LRRC7: variants seen among roughly 807,000 people sequenced by gnomAD.
The protein encoded by LRRC7 is leucine rich repeat containing 7.
In LRRC7, 23 loss-of-function variants were observed where a neutral mutation model predicts 175.7. The ratio of observed to expected loss-of-function variants is 0.13; its 90% CI spans 0.09 to 0.19. The LOEUF (loss-of-function observed/expected upper bound fraction) is 0.19, where lower values mean the gene tolerates loss of function less well. LRRC7 is among the 10% of genes least tolerant of loss of function. The pLI is 1.00. For missense variants in LRRC7, 1,354 were observed against 1,904.7 expected (o/e 0.71, Z 5.38); for synonymous variants, 685 against 680.9 (o/e 1.01, Z -0.09).
intron 2 of LRRC7, chr1:69,716,226 C>A: frequency 2.1e-6 from 1 of 477,288 alleles, no homozygotes; most frequent in Non-Finnish European, 3.8e-6. Flanking sequence ...CAAGTAGATA[C>A]TATATTATTT....
chr1:69,907,114 T>C (rs1646342700), intron 7 of LRRC7, among the ~76,000 whole-genome samples: 1 of 152,178 alleles, frequency 6.6e-6, no homozygotes, highest in East Asian at 1.9e-4. Context: ...TGATTTTATA[T>C]CCTGAGACTT....
chr1:69,702,299 A>T (rs1343703023), intron 2 of LRRC7, among the ~76,000 whole-genome samples: 1 of 152,192 alleles, frequency 6.6e-6, no homozygotes, highest in East Asian at 1.9e-4. Context: ...ACACATCATC[A>T]AGTGCATCAG....
At chr1:69,815,132 T>G (rs1412049109) in intron 4 of LRRC7, among the ~76,000 whole-genome samples, 1 of 152,182 alleles carries the variant, frequency 6.6e-6, no homozygotes, top group African/African-American at 2.4e-5. Flanking sequence ...CTGTGAGCCT[T>G]TGCCTTGTGA....
At chr1:69,644,854 A>G (rs1277631994) in intron 1 of LRRC7, among the ~76,000 whole-genome samples, 1 of 152,032 alleles carries the variant, frequency 6.6e-6, no homozygotes, top group Admixed American at 6.6e-5. Flanking sequence ...CACCATATTA[A>G]CAGGATAAAG....
At chr1:69,991,061 AG>A (rs1325262314) in intron 10 of LRRC7, among the ~76,000 whole-genome samples, 6 of 151,818 alleles carry the variant, frequency 4.0e-5, no homozygotes, top group Non-Finnish European at 5.9e-5. Context: ...AAGCTGAGGC[AG>A]TAGGATTGCT....
chr1:69,644,803 C>A (rs984296525), intron 1 of LRRC7, among the ~76,000 whole-genome samples: 1 of 151,910 alleles, frequency 6.6e-6, no homozygotes, highest in African/African-American at 2.4e-5. Flanking sequence ...ACAGATTAGG[C>A]TTATCTGAGG....
chr1:69,786,324 T>TTC (rs907299430), intron 3 of LRRC7, among the ~76,000 whole-genome samples: 8 of 151,844 alleles, frequency 5.3e-5, no homozygotes, highest in African/African-American at 1.5e-4. Flanking sequence ...AGACTTTTTT[T>TTC]TCTCTCTCTC....
At chr1:69,921,662 G>C (rs563768474) in intron 7 of LRRC7, among the ~76,000 whole-genome samples, 2 of 152,226 alleles carry the variant, frequency 1.3e-5, no homozygotes, top group South Asian at 4.1e-4. Context: ...TTTCAAAACA[G>C]TCTGTTATCT....
At chr1:69,686,665 A>G (rs1463281032) in intron 2 of LRRC7, among the ~76,000 whole-genome samples, 1 of 152,140 alleles carries the variant, frequency 6.6e-6, no homozygotes, top group African/African-American at 2.4e-5. Context: ...GAGGATGTGA[A>G]GGAAAAAGAA....
chr1:70,023,417 GC>G, intron 17 of LRRC7, 43 bp downstream of exon 17: 1 of 1,502,174 alleles, frequency 6.7e-7, no homozygotes, highest in Non-Finnish European at 9.0e-7. Context: ...CCATGTAGAG[GC>G]AACCTTGGAA....
intron 3 of LRRC7, among the ~76,000 whole-genome samples, chr1:69,774,092 C>A (rs141738199): frequency 6.6e-6 from 1 of 152,156 alleles, no homozygotes; most frequent in African/African-American, 2.4e-5. Context: ...TACAGGATAT[C>A]TGTGGAAGCA....
intron 7 of LRRC7, among the ~76,000 whole-genome samples, chr1:69,868,833 G>T (rs1685203329): frequency 6.6e-6 from 1 of 151,770 alleles, no homozygotes; most frequent in East Asian, 1.9e-4. Flanking sequence ...CTTGGCTTGT[G>T]AATGGCCATC....
At chr1:69,832,467 A>G (rs750287854) in intron 5 of LRRC7, among the ~76,000 whole-genome samples, 5 of 152,198 alleles carry the variant, frequency 3.3e-5, no homozygotes, top group Non-Finnish European at 7.3e-5. Context: ...CAGTAGAAAA[A>G]TAGGTAAAAT....
intron 9 of LRRC7, among the ~76,000 whole-genome samples, chr1:69,983,748 C>T (rs910314095): frequency 6.6e-6 from 1 of 152,204 alleles, no homozygotes; most frequent in Non-Finnish European, 1.5e-5. Flanking sequence ...TCTACCCAAT[C>T]CTGCTCCCTT....
chr1:69,717,831 A>AGG (rs1665660622), intron 2 of LRRC7, among the ~76,000 whole-genome samples: 1 of 55,358 alleles, frequency 1.8e-5, no homozygotes, highest in African/African-American at 9.2e-5. Flanking sequence ...AGAAAGAAAG[A>AGG]AAGAAAGAAA....
rs1227275735 is a variant in LRRC7, at chr1:70,135,251, C to T, written c.*13364C>T. Among the ~76,000 whole-genome samples the T allele has an allele frequency of 6.6e-6, 1 of 152,154 alleles. No individual in the cohort carries two copies. The highest frequency in any genetic ancestry group is 1.5e-5 in the Non-Finnish European group (1 of 68,028). On this transcript the variant is annotated 3_prime_UTR_variant, in exon 27 of 27. Coordinates refer to ENST00000651989, the MANE Select transcript of LRRC7 (RefSeq NM_001370785.2). ...CTCTAGGTCAGTGCTTGCTATCCAG[C>T]CACTAGCATAGTTCCCCAGGAGCAG...
chr1:69,668,400 G>A (rs1391811720), intron 1 of LRRC7, among the ~76,000 whole-genome samples: 1 of 151,986 alleles, frequency 6.6e-6, no homozygotes, highest in Non-Finnish European at 1.5e-5. Context: ...GTGGTGTTTG[G>A]TTTTCTGTTC....
At chr1:70,100,319 C>T (rs901325301) in intron 25 of LRRC7, among the ~76,000 whole-genome samples, 5 of 152,062 alleles carry the variant, frequency 3.3e-5, no homozygotes, top group African/African-American at 7.2e-5. Flanking sequence ...TTTTTGGTTG[C>T]TTTTAACAGC....
chr1:70,056,736 C>A (rs574203776), intron 23 of LRRC7, among the ~76,000 whole-genome samples: 1 of 152,070 alleles, frequency 6.6e-6, no homozygotes, highest in South Asian at 2.1e-4. Context: ...GAAAAAGAAA[C>A]GGAGTTATAT....
Sources: gnomAD v4.1 joint callset for allele counts (sites outside exome capture counted in the v4.1 genomes callset) on GRCh38, gnomAD v4.1.1 for gene constraint, MANE v1.5 for transcripts, NCBI Gene and HGNC (gene_info 2026-07-23, HGNC 2026-07-21) for gene names.